ZNF541: variants seen among roughly 807,000 people sequenced by gnomAD.
ZNF541 encodes the protein zinc finger protein 541.
Under a neutral mutation model 123.5 loss-of-function variants are expected in ZNF541, and 23 were observed. The ratio of observed to expected loss-of-function variants is 0.19; its 90% CI spans 0.13 to 0.26. The LOEUF (loss-of-function observed/expected upper bound fraction) is 0.26. Among genes scored for constraint, ZNF541 ranks in the 10% least tolerant of loss-of-function variants. The pLI, the probability that ZNF541 is intolerant of heterozygous loss-of-function variation, is 1.00. For synonymous variants in ZNF541, 751 were observed against 754.5 expected, an observed-to-expected ratio of 1.00 and a Z score of 0.08; for missense variants, 1,612 against 1,789.9, an observed-to-expected ratio of 0.90 and a Z score of 1.79.
chr19:47,525,164 A>C (rs761107280), intron 14 of ZNF541, among the ~76,000 whole-genome samples: 10 of 152,020 alleles, frequency 6.6e-5, no homozygotes, highest in Non-Finnish European at 1.3e-4. Context: ...GCGCACCTGT[A>C]ATCCCAGCTA....
At position 47,545,302 on chromosome 19, in the gene ZNF541, C is replaced by T. The variant is rs1289956852; in HGVS notation, c.1227G>A (p.Ser409=). The T allele has an allele frequency of 6.5e-7, 1 of 1,549,624 alleles. No individual in the cohort carries two copies. The highest frequency in any genetic ancestry group is 8.7e-7 in the Non-Finnish European group (1 of 1,146,722). ...TCCGGAGCCACTGGAAGCTGTGGCT[C>T]GATGGCTGGGAACTGGCAGGGACCG... The part of the protein sequence containing the change: ...GQTVPASSQP[S]SHSFQWLRNL... The change falls in exon 5 of 17, where the codon TCG becomes TCA. Residue 409 remains serine, a synonymous_variant. Transcript: ENST00000391901. The surrounding 1 kb of genome is among the most constrained non-coding windows in gnomAD (Gnocchi z 7.5).
At chr19:47,541,337 G>A (rs1970071581) in intron 5 of ZNF541, among the ~76,000 whole-genome samples, 1 of 152,038 alleles carries the variant, frequency 6.6e-6, no homozygotes, top group Admixed American at 6.6e-5. Flanking sequence ...AGAATCACTT[G>A]AGCCAGGAGT....
intron 9 of ZNF541, among the ~76,000 whole-genome samples, chr19:47,535,830 G>A (rs751646553): frequency 2.9e-4 from 44 of 152,140 alleles, no homozygotes; most frequent in Non-Finnish European, 4.6e-4. Context: ...CAGCTCGGTC[G>A]GGGAGACCCT....
intron 9 of ZNF541, among the ~76,000 whole-genome samples, chr19:47,533,376 A>C (rs2122987031): frequency 6.8e-6 from 1 of 147,104 alleles, no homozygotes; most frequent in African/African-American, 2.5e-5. Flanking sequence ...AAAAAAAAAA[A>C]AAAAAAAAAA....
intron 2 of ZNF541, among the ~76,000 whole-genome samples, chr19:47,561,347 TGA>T (rs1971054053): frequency 6.6e-6 from 1 of 151,608 alleles, no homozygotes; most frequent in African/African-American, 2.4e-5. Flanking sequence ...CTGAGGAGGG[TGA>T]ATCGCTTGAG....
At chr19:47,525,231 G>A (rs998989395) in intron 14 of ZNF541, among the ~76,000 whole-genome samples, 9 of 151,688 alleles carry the variant, frequency 5.9e-5, no homozygotes, top group Non-Finnish European at 1.3e-4. Flanking sequence ...GTTGCAGTGA[G>A]TGAAGAGCGC....
chr19:47,547,881 A>G (rs1298261586), intron 4 of ZNF541, among the ~76,000 whole-genome samples: 1 of 151,584 alleles, frequency 6.6e-6, no homozygotes, highest in Non-Finnish European at 1.5e-5. Context: ...CTCTACTAAA[A>G]ATACAAAAAT....
intron 2 of ZNF541, among the ~76,000 whole-genome samples, chr19:47,562,254 CA>C (rs1971095483): frequency 7.2e-6 from 1 of 138,770 alleles, no homozygotes; most frequent in Non-Finnish European, 1.6e-5. Flanking sequence ...CCAAAAAAAA[CA>C]AAAACAGGCC....
intron 9 of ZNF541, among the ~76,000 whole-genome samples, chr19:47,536,593 A>G (rs930983724): frequency 6.6e-6 from 1 of 152,106 alleles, no homozygotes; most frequent in African/African-American, 2.4e-5. Flanking sequence ...CTCCCTACAT[A>G]AAAACAATTA....
rs563661657 is a variant in ZNF541 at position 47,540,163 on chromosome 19, C to T, written c.2622+13G>A. On this transcript the variant is annotated intron_variant, in intron 7 of 16. Coordinates refer to ENST00000391901, the MANE Select transcript of ZNF541 (RefSeq NM_001277075.3). ...ACCCAGTAACCACCAAGCCACTGGT[C>T]GTCCCCCTTCACCTGCGGTTCCTGC... The T allele has an allele frequency of 4.7e-5, 72 of 1,547,114 alleles. No individual in the cohort carries two copies. The Middle Eastern group carries it at 9.3e-4, about 20-fold the overall frequency.
chr19:47,568,669 C>G (rs116340199), intron 2 of ZNF541, among the ~76,000 whole-genome samples: 4 of 151,538 alleles, frequency 2.6e-5, no homozygotes, highest in Non-Finnish European at 5.9e-5. Context: ...TACTTTCCTA[C>G]TCCAATTTTT....
At chr19:47,534,797 G>A (rs997127482) in intron 9 of ZNF541, among the ~76,000 whole-genome samples, 9 of 152,100 alleles carry the variant, frequency 5.9e-5, no homozygotes, top group Admixed American at 5.9e-4. Context: ...ATGGTCAATT[G>A]ATTTCTAACA....
At chr19:47,538,519 G>A (rs1335210904) in intron 8 of ZNF541, 80 bp from the exon 9 acceptor site, 25 of 1,383,492 alleles carry the variant, frequency 1.8e-5, no homozygotes, top group Non-Finnish European at 2.4e-5. Context: ...AAGAGAGCAG[G>A]AAAAGGAGAC....
intron 5 of ZNF541, among the ~76,000 whole-genome samples, chr19:47,543,468 G>C (rs1172717520): frequency 6.6e-6 from 1 of 151,420 alleles, no homozygotes; most frequent in African/African-American, 2.4e-5. Flanking sequence ...CTCACAATCA[G>C]AAAACACATG....
chr19:47,532,838 A>G lies in ZNF541; in HGVS notation c.3158+71T>C, dbSNP rs1969638140. 15 of 1,458,062 alleles carry G rather than the reference A, an allele frequency of 1.0e-5. No individual in the cohort carries two copies. The South Asian group carries it at 1.5e-4, about 15-fold the overall frequency. 90.3% of individuals were successfully genotyped at this position (1,458,062 alleles called of 1,614,324 possible). ...CTGAACCCCACCATGGGAAGAAGGA[A>G]CCCTTGGGAAAAGTGACACTAGAAC... On this transcript the variant is annotated intron_variant, in intron 10 of 16. Transcript: ENST00000391901.
chr19:47,538,497 C>T, intron 8 of ZNF541, 58 bp from the exon 9 acceptor site: 1 of 1,423,628 alleles, frequency 7.0e-7, no homozygotes, highest in Non-Finnish European at 9.3e-7. Flanking sequence ...ACCACTCCAT[C>T]TCCAGGATGG....
chr19:47,558,601 T>C (rs1341161320), intron 2 of ZNF541, among the ~76,000 whole-genome samples: 5 of 148,146 alleles, frequency 3.4e-5, no homozygotes, highest in African/African-American at 1.2e-4. Flanking sequence ...CAGAATTTCT[T>C]TTTTTTTTTT....
At position 47,544,665 on chromosome 19, in the gene ZNF541, C is replaced by G. The variant is rs1010704829; in HGVS notation, c.1864G>C (p.Gly622Arg). 2 of 1,538,428 alleles carry G rather than the reference C, an allele frequency of 1.3e-6. No individual in the cohort carries two copies. The highest frequency in any genetic ancestry group is 2.7e-5 in the African/African-American group (2 of 72,856). ...GTTTTTCTCCTGCGGGCTGGGGAGCCCTCTGCCTCGGGGTTTCCAGGGCCG... is the reference window on the plus strand; with the variant it reads ...GTTTTTCTCCTGCGGGCTGGGGAGCGCTCTGCCTCGGGGTTTCCAGGGCCG... ...HAGPGNPEAEGSPARRRKTTP... is the reference protein window; with the variant it reads ...HAGPGNPEAERSPARRRKTTP... Residue 622 changes from glycine (G) to arginine (R), a missense_variant, in exon 5 of 17, where the codon GGC (glycine) becomes CGC (arginine). Gly to Arg is a moderately radical substitution (Grantham distance 125). Around this residue, in one of 5 missense-constraint regions of ZNF541, gnomAD observed 1,080 missense variants for 1,013.8 expected, o/e 1.07. Coordinates refer to ENST00000391901, the MANE Select transcript of ZNF541 (RefSeq NM_001277075.3).
At position 47,521,032 on chromosome 19, in the gene ZNF541, A is replaced by T; in HGVS notation, c.*192T>A. 1.6e-6 allele frequency: 1 copy of T among 629,616 alleles called. No individual in the cohort carries two copies. Among genetic ancestry groups the T allele is most frequent in the Non-Finnish European group, 2.7e-6 (1 of 368,564 alleles). The allele number at this position is 629,616 out of a possible 1,614,324, so 39.0% of individuals were successfully genotyped here. A position where few individuals can be genotyped will look rare whatever the true frequency, so the allele number is the denominator to read the frequency against. On this transcript the variant is annotated 3_prime_UTR_variant, in exon 17 of 17. Coordinates refer to ENST00000391901, the MANE Select transcript of ZNF541 (RefSeq NM_001277075.3). The surrounding 1 kb of genome is among the most constrained non-coding windows in gnomAD (Gnocchi z 4.2). ...GAGCCTCCAGCACCACCGGACAGGG[A>T]CTGCATAGCTGTCCGACAACTGAGC...
Sources: allele counts gnomAD v4.1 joint callset (sites outside exome capture counted in the v4.1 genomes callset), GRCh38; gene constraint gnomAD v4.1.1; regional missense constraint gnomAD v4.1.1; non-coding constraint Gnocchi (gnomAD v3.1); transcripts MANE v1.5; gene names NCBI Gene and HGNC (gene_info 2026-07-23, HGNC 2026-07-21).